Variants in AKAP12 observed in about 807,000 individuals in gnomAD.
The protein encoded by AKAP12 is A-kinase anchor protein 12.
A neutral mutation model predicts 79.9 loss-of-function variants in AKAP12; 32 were observed. The ratio of observed to expected loss-of-function variants is 0.40; its 90% confidence interval spans 0.30 to 0.54. The LOEUF (loss-of-function observed/expected upper bound fraction) is 0.54, where lower values mean the gene tolerates loss of function less well. Ranked by LOEUF, AKAP12 falls within the 20% of genes least tolerant of loss-of-function variation. AKAP12 has a pLI of 0.48. For missense variants in AKAP12, 2,074 were observed against 2,177.0 expected (o/e 0.95, Z 0.94); for synonymous variants, 808 against 857.0 (o/e 0.94, Z 1.00).
rs113588696 is a variant in AKAP12 at position 151,288,443 on chromosome 6, C to T, written c.163-17304C>T. ...GAGAGGCAGGTTGAACCCCGGGAGG[C>T]GGAGGCTACAGTGAGCTGAGATCGC... On this transcript the variant is annotated intron_variant, in intron 2 of 4. Coordinates refer to ENST00000402676, the MANE Select transcript of AKAP12 (RefSeq NM_005100.4). 3.1e-3 allele frequency among the ~76,000 whole-genome samples: 468 copies of T among 152,152 alleles called. 4 individuals carry two copies. The highest frequency in any genetic ancestry group is 8.0e-3 in the African/African-American group (333 of 41,518).
At position 151,282,705 on chromosome 6, in the gene AKAP12, G is replaced by T. The variant is rs190806645; in HGVS notation, c.163-23042G>T. ...GTCTGATGGTGTTACTGCTCACAGG[G>T]ATTCTTTGAAGCAGCTGCTGATTCC... On this transcript the variant is annotated intron_variant, in intron 2 of 4. Transcript: ENST00000402676. 2.4e-3 allele frequency among the ~76,000 whole-genome samples: 364 copies of T among 152,264 alleles called. 2 individuals carry two copies. Among genetic ancestry groups the T allele is most frequent in the Non-Finnish European group, 4.4e-3 (297 of 68,018 alleles).
intron 3 of AKAP12, among the ~76,000 whole-genome samples, chr6:151,326,990 T>C (rs755972040): frequency 3.3e-5 from 5 of 152,122 alleles, no homozygotes; most frequent in Admixed American, 6.6e-5. Flanking sequence ...ATAATTTTTG[T>C]ATTTTTAGTA....
At chr6:151,259,130 C>T (rs1350117581) in intron 2 of AKAP12, among the ~76,000 whole-genome samples, 1 of 151,462 alleles carries the variant, frequency 6.6e-6, no homozygotes, top group Non-Finnish European at 1.5e-5. Flanking sequence ...CTGCAACCTC[C>T]ACCTCCTGGG....
In AKAP12 at chr6:151,351,330, A is replaced by G; in HGVS notation, c.2939A>G (p.Glu980Gly). The G allele has an allele frequency of 1.2e-6, 2 of 1,614,230 alleles. No homozygotes were observed. The highest frequency in any genetic ancestry group is 1.1e-5 in the South Asian group (1 of 91,088). Residue 980 changes from glutamate to glycine, a missense_variant, in exon 4 of 5, where the codon GAA (glutamate) becomes GGA (glycine). Physicochemically the swap from Glu to Gly is moderately conservative, Grantham distance 98 (BLOSUM62 -2). Around this residue, in one of 3 missense-constraint regions of AKAP12, gnomAD observed 1,428 missense variants for 1,451.0 expected, o/e 0.98. Coordinates refer to ENST00000402676, the MANE Select transcript of AKAP12 (RefSeq NM_005100.4). This position sits in a 1 kb window ranked among gnomAD's most constrained non-coding sequence, Gnocchi z 4.4. The stretch of plus-strand genomic sequence containing the variant: ...ACCCCCGAAGCTGTGACAGCTGCAG[A>G]AACTGCAGGGCCATTGGGTGCCGAA... ...ELTPEAVTAA[E>G]TAGPLGAEEG...
At position 151,353,570 on chromosome 6, in the gene AKAP12, T is replaced by A. The variant is rs538773198; in HGVS notation, c.5179T>A (p.Ser1727Thr). ...TGCCTCAGGAGGCTTAACCAAAGAG[T>A]CCCCAGATACAAATGGACCAAAACA... is the stretch of plus-strand genomic sequence containing the variant. ...TDASGGLTKE[S>T]PDTNGPKQKE... Residue 1727 changes from serine (S) to threonine (T), a missense_variant, in exon 4 of 5, where the codon TCC (serine) becomes ACC (threonine). Physicochemically the swap from Ser to Thr is moderately conservative, Grantham distance 58. Around this residue, in one of 3 missense-constraint regions of AKAP12, gnomAD observed 614 missense variants for 665.6 expected, o/e 0.92. Coordinates refer to ENST00000402676, the MANE Select transcript of AKAP12 (RefSeq NM_005100.4). The A allele has an allele frequency of 6.2e-6, 10 of 1,612,934 alleles. No homozygotes were observed. Among genetic ancestry groups the A allele is most frequent in the East Asian group, 4.5e-5 (2 of 44,818 alleles).
chr6:151,293,359 A>C (rs1210828509), intron 2 of AKAP12, among the ~76,000 whole-genome samples: 2 of 152,260 alleles, frequency 1.3e-5, no homozygotes, highest in Non-Finnish European at 2.9e-5. Flanking sequence ...AAAACTAGTC[A>C]TGAGAATTGC....
At chr6:151,313,233 C>T (rs897315187) in intron 3 of AKAP12, among the ~76,000 whole-genome samples, 2 of 152,164 alleles carry the variant, frequency 1.3e-5, no homozygotes. Context: ...CCCTGACCTG[C>T]ACGTGATTAA....
intron 2 of AKAP12, among the ~76,000 whole-genome samples, chr6:151,246,571 T>C (rs1797079360): frequency 1.3e-5 from 2 of 152,164 alleles, no homozygotes; most frequent in South Asian, 4.1e-4. Flanking sequence ...TACTTGCCAA[T>C]GTGCTAGGTG....
At chr6:151,316,509 G>T (rs1777237775) in intron 3 of AKAP12, among the ~76,000 whole-genome samples, 1 of 152,188 alleles carries the variant, frequency 6.6e-6, no homozygotes, top group Admixed American at 6.5e-5. Context: ...GGTGTTGCAG[G>T]TTTGGTTCCT....
chr6:151,283,279 G>A (rs1054323324), intron 2 of AKAP12, among the ~76,000 whole-genome samples: 2 of 152,176 alleles, frequency 1.3e-5, no homozygotes, highest in Admixed American at 1.3e-4. Flanking sequence ...CAGAAATCAA[G>A]CAATGGGTAC....
chr6:151,317,522 A>G (rs1375863723), intron 3 of AKAP12, among the ~76,000 whole-genome samples: 5 of 152,232 alleles, frequency 3.3e-5, no homozygotes, highest in African/African-American at 1.2e-4. Flanking sequence ...AAGCTTGCCA[A>G]ACATCACTGG....
At chr6:151,326,812 T>C (rs1464054092) in intron 3 of AKAP12, among the ~76,000 whole-genome samples, 1 of 105,740 alleles carries the variant, frequency 9.5e-6, no homozygotes, top group Non-Finnish European at 1.7e-5. Flanking sequence ...TTTTTTTTGT[T>C]TGTTTGTTTT....
Position 151,349,462 on chromosome 6 carries a change from C to T in AKAP12, c.1071C>T (p.His357=). The part of the protein sequence containing the change: ...SEKLTASEQA[H]PQEPAESAHE... The stretch of plus-strand genomic sequence containing the variant: ...AACTGACCGCCTCCGAGCAAGCCCA[C>T]CCACAGGAGCCGGCAGAAAGTGCCC... Residue 357 remains histidine, a synonymous_variant, in exon 4 of 5, where the codon CAC becomes CAT. Coordinates refer to ENST00000402676, the MANE Select transcript of AKAP12 (RefSeq NM_005100.4). The T allele has an allele frequency of 1.2e-6, 2 of 1,606,186 alleles. No homozygotes were observed. Among genetic ancestry groups the T allele is most frequent in the Non-Finnish European group, 1.7e-6 (2 of 1,177,750 alleles).
chr6:151,339,905 A>G (rs973464614), intron 3 of AKAP12, among the ~76,000 whole-genome samples: 1 of 150,622 alleles, frequency 6.6e-6, no homozygotes, highest in African/African-American at 2.4e-5. Flanking sequence ...GTGTATTTTC[A>G]TGGCCTGATA....
At chr6:151,267,564 G>A (rs1373257357) in intron 2 of AKAP12, among the ~76,000 whole-genome samples, 1 of 152,144 alleles carries the variant, frequency 6.6e-6, no homozygotes, top group Non-Finnish European at 1.5e-5. Flanking sequence ...GGTGGGGTGT[G>A]GAGTAGGGCT....
At chr6:151,348,089 C>A (rs1396507280) in intron 3 of AKAP12, among the ~76,000 whole-genome samples, 1 of 151,648 alleles carries the variant, frequency 6.6e-6, no homozygotes, top group Non-Finnish European at 1.5e-5. Flanking sequence ...GGAGGCGGAG[C>A]TTGCAGTGAG....
At chr6:151,312,807 A>AAAAAAT (rs1777146245) in intron 3 of AKAP12, among the ~76,000 whole-genome samples, 1 of 151,344 alleles carries the variant, frequency 6.6e-6, no homozygotes, top group African/African-American at 2.4e-5. Flanking sequence ...AAAAAAAAAA[A>AAAAAAT]AAAAGAATCA....
chr6:151,311,067 A>C (rs75087868), intron 3 of AKAP12, among the ~76,000 whole-genome samples: 2 of 152,156 alleles, frequency 1.3e-5, no homozygotes, highest in African/African-American at 4.8e-5. Flanking sequence ...TTCTGGGCAC[A>C]TGTGATCCTC....
chr6:151,267,817 T>C (rs1776079914), intron 2 of AKAP12, among the ~76,000 whole-genome samples: 1 of 152,214 alleles, frequency 6.6e-6, no homozygotes, highest in Non-Finnish European at 1.5e-5. Flanking sequence ...GGCAGGAAGT[T>C]ACAGTGTGAA....
Sources: allele counts gnomAD v4.1 joint callset (sites outside exome capture counted in the v4.1 genomes callset), GRCh38; gene constraint gnomAD v4.1.1; regional missense constraint gnomAD v4.1.1; non-coding constraint Gnocchi (gnomAD v3.1); transcripts MANE v1.5; gene names NCBI Gene and HGNC (gene_info 2026-07-23, HGNC 2026-07-21).